The following RFC2 variants were observed in gnomAD, a reference collection of about 807,000 sequenced individuals.
The protein encoded by RFC2 is replication factor C subunit 2, also known as A1 40 kDa subunit.
RFC2 carries 34 observed loss-of-function variants against 44.8 expected under a neutral mutation model. The observed-to-expected ratio is 0.76, with a 90% CI of 0.58 to 1.01. The LOEUF (loss-of-function observed/expected upper bound fraction) is 1.01. Among genes scored for constraint, RFC2 ranks in the 50% least tolerant of loss-of-function variants. RFC2 has a pLI of 0.00. For missense variants in RFC2, 400 were observed against 453.6 expected, an observed-to-expected ratio of 0.88 and a Z score of 1.07; for synonymous variants, 177 against 168.9, an observed-to-expected ratio of 1.05 and a Z score of -0.37.
chr7:74,243,079 T>A, intron 6 of RFC2, 67 bp downstream of exon 6: 1 of 1,016,300 alleles, frequency 9.8e-7, no homozygotes, highest in Admixed American at 1.8e-5. Context: ...GGAGACCACA[T>A]CTATAAAAAA....
At position 74,252,435 on chromosome 7, in the gene RFC2, C is replaced by T; in HGVS notation, c.177G>A (p.Arg59=). ...EIVGNEDTVS[R]LEVFAREGNV... ...AAAAAAAAAAGCCACTCACCTCTAG[C>T]CTGCTCACGGTGTCTTCATTCCCGA... Residue 59 remains arginine, a synonymous_variant, in exon 2 of 11, where the codon AGG becomes AGA. Coordinates refer to ENST00000055077, the MANE Select transcript of RFC2 (RefSeq NM_181471.3). 1 of 1,594,746 alleles carries T rather than the reference C, an allele frequency of 6.3e-7. No homozygotes were observed. The highest frequency in any genetic ancestry group is 1.1e-5 in the South Asian group (1 of 90,698).
intron 6 of RFC2, 56 bp from the exon 7 acceptor site, chr7:74,240,151 C>A (rs1803249135): frequency 1.3e-6 from 2 of 1,536,094 alleles, no homozygotes; most frequent in Non-Finnish European, 1.8e-6. Flanking sequence ...CATCATCCTG[C>A]TAGCTCTTTG....
intron 7 of RFC2, among the ~76,000 whole-genome samples, chr7:74,239,564 C>T (rs1304315240): frequency 6.6e-6 from 1 of 152,348 alleles, no homozygotes; most frequent in East Asian, 1.9e-4. Context: ...AACTCCTGAC[C>T]TCGTGATCCA....
Position 74,238,144 on chromosome 7 carries a change from C to A in RFC2, c.760-702G>T, listed in dbSNP as rs554410825. ...CCGAACCATCACCCCTGTTTCTGAGCGGGCCTCCCCTTCCTAAGTGGCCTC... is the reference window on the plus strand; with the variant it reads ...CCGAACCATCACCCCTGTTTCTGAGAGGGCCTCCCCTTCCTAAGTGGCCTC... On this transcript the variant is annotated intron_variant, in intron 8 of 10. Coordinates refer to ENST00000055077, the MANE Select transcript of RFC2 (RefSeq NM_181471.3). This position sits in a 1 kb window ranked among gnomAD's most constrained non-coding sequence, Gnocchi z 4.0. 6.6e-6 allele frequency among the ~76,000 whole-genome samples: 1 copy of A among 152,052 alleles called. No individual in the cohort carries two copies. The highest frequency in any genetic ancestry group is 2.4e-5 in the African/African-American group (1 of 41,416).
At chr7:74,245,577 G>A (rs1584258471) in intron 5 of RFC2, among the ~76,000 whole-genome samples, 1 of 150,930 alleles carries the variant, frequency 6.6e-6, no homozygotes, top group South Asian at 2.1e-4. Context: ...GCTGGGCGTG[G>A]TGGAGGGCGC....
chr7:74,250,380 T>C (rs3135660), intron 2 of RFC2, among the ~76,000 whole-genome samples: 22,754 of 151,784 alleles, frequency 0.15, 2,705 homozygotes, highest in African/African-American at 0.33. Flanking sequence ...AGCCTCCAAT[T>C]CCCAGGCTCA....
intron 1 of RFC2, 51 bp downstream of exon 1, chr7:74,254,220 C>T: frequency 7.2e-7 from 1 of 1,381,780 alleles, no homozygotes; most frequent in Non-Finnish European, 1.0e-6. Context: ...GCCCGCCACT[C>T]GCCCACCCTC....
Position 74,252,445 on chromosome 7 carries a change from G to T in RFC2, c.167C>A (p.Thr56Asn). Residue 56 changes from threonine (T) to asparagine (N), a missense_variant, in exon 2 of 11, where the codon ACC becomes AAC. Physicochemically the swap from Thr to Asn is moderately conservative, Grantham distance 65. Transcript: ENST00000055077. ...GCCACTCACCTCTAGCCTGCTCACG[G>T]TGTCTTCATTCCCGACAATTTCATT... ...KLNEIVGNEDTVSRLEVFARE... is the reference protein window; with the variant it reads ...KLNEIVGNEDNVSRLEVFARE... The T allele has an allele frequency of 6.2e-7, 1 of 1,603,008 alleles. No homozygotes were observed.
Position 74,249,117 on chromosome 7 carries a change from C to G in RFC2, c.227G>C (p.Gly76Ala). ...EGNVPNIIIA[G>A]PPGTGKTTSI... ...TGTGGTCTTGCCGGTTCCTGGAGGG[C>G]CCTGGGAATGAGATCTCCAGTAAAG... The change falls in exon 4 of 11, where the codon GGC (glycine) becomes GCC (alanine). Residue 76 changes from glycine (G) to alanine (A), a missense_variant and splice_region_variant. Transcript: ENST00000055077. 6.2e-7 allele frequency: 1 copy of G among 1,613,886 alleles called. No individual in the cohort carries two copies. Among genetic ancestry groups the G allele is most frequent in the Non-Finnish European group, 8.5e-7 (1 of 1,179,880 alleles).
rs782807754 is a variant in RFC2, at chr7:74,249,104, G to A, written c.240C>T (p.Thr80=). The A allele has an allele frequency of 3.0e-5, 49 of 1,613,974 alleles. No homozygotes were observed. Among genetic ancestry groups the A allele is most frequent in the South Asian group, 2.5e-4 (23 of 91,082 alleles). The change falls in exon 4 of 11, where the codon ACC becomes ACT. Residue 80 remains threonine, a synonymous_variant. Coordinates refer to ENST00000055077, the MANE Select transcript of RFC2 (RefSeq NM_181471.3). The part of the protein sequence containing the change: ...PNIIIAGPPG[T]GKTTSILCLA... ...AGCACAGAATGCTTGTGGTCTTGCC[G>A]GTTCCTGGAGGGCCCTGGGAATGAG...
At chr7:74,233,390 A>G (rs1554717558) in intron 10 of RFC2, among the ~76,000 whole-genome samples, 1 of 152,160 alleles carries the variant, frequency 6.6e-6, no homozygotes, top group East Asian at 1.9e-4. Flanking sequence ...TGATCTCTAA[A>G]CAAAAAATAC....
Position 74,238,226 on chromosome 7 carries a change from G to C in RFC2, c.759+697C>G, listed in dbSNP as rs782520498. ...ATGCTTCAAAAATCGCTTGTCTGTT[G>C]TCCACAAACCTGGTAAGAAACAGCT... On this transcript the variant is annotated intron_variant, in intron 8 of 10. Transcript: ENST00000055077. The surrounding 1 kb of genome is among the most constrained non-coding windows in gnomAD (Gnocchi z 4.0). Among the ~76,000 whole-genome samples the C allele has an allele frequency of 1.3e-5, 2 of 152,082 alleles. No individual in the cohort carries two copies. Among genetic ancestry groups the C allele is most frequent in the Non-Finnish European group, 2.9e-5 (2 of 68,014 alleles).
chr7:74,250,155 A>AG (rs1563999968), intron 2 of RFC2, among the ~76,000 whole-genome samples: 8 of 150,716 alleles, frequency 5.3e-5, no homozygotes, highest in African/African-American at 2.0e-4. Context: ...TGTCTCAAAA[A>AG]CAAAAAAAAA....
intron 10 of RFC2, chr7:74,233,871 C>A (rs1554717743): frequency 2.2e-6 from 1 of 456,656 alleles, no homozygotes; most frequent in East Asian, 6.9e-5. Context: ...GCTGCAGCCA[C>A]TTCGGAAAAC....
rs1802965134 is a variant in RFC2 at position 74,235,515 on chromosome 7, T to C, written c.954+17A>G. The C allele has an allele frequency of 6.8e-7, 1 of 1,471,400 alleles. No homozygotes were observed. Among genetic ancestry groups the C allele is most frequent in the South Asian group, 1.1e-5 (1 of 88,190 alleles). 91.1% of individuals were successfully genotyped at this position (1,471,400 alleles called of 1,614,324 possible). A position where few individuals can be genotyped will look rare whatever the true frequency, so the allele number is the denominator to read the frequency against. On this transcript the variant is annotated intron_variant, in intron 10 of 10. Coordinates refer to ENST00000055077, the MANE Select transcript of RFC2 (RefSeq NM_181471.3). ...CCACATTCTTGAGGACAGAGGCATTTCTACATTCTCACCGACCTTGATAAA... is the reference window on the plus strand; with the variant it reads ...CCACATTCTTGAGGACAGAGGCATTCCTACATTCTCACCGACCTTGATAAA...
intron 1 of RFC2, among the ~76,000 whole-genome samples, chr7:74,252,760 C>A (rs868935583): frequency 6.6e-6 from 1 of 151,994 alleles, no homozygotes; most frequent in Non-Finnish European, 1.5e-5. Flanking sequence ...CATGGTGAAA[C>A]CTCATCTCTA....
chr7:74,249,865 A>C (rs1554720780), intron 2 of RFC2, 85 bp from the exon 3 acceptor site: 4 of 1,217,402 alleles, frequency 3.3e-6, no homozygotes, highest in South Asian at 2.4e-5. Context: ...ACAAACAAGC[A>C]GGTTAAAACT....
rs1241626405 is a variant in RFC2, at chr7:74,232,010, G to A, written c.*96C>T. On this transcript the variant is annotated 3_prime_UTR_variant, in exon 11 of 11. Coordinates refer to ENST00000055077, the MANE Select transcript of RFC2 (RefSeq NM_181471.3). ...CTGGAGTTTAAAGGACAGTCATGTT[G>A]GCTCCAGCCTAAGGCGGCATTTTCC... The A allele has an allele frequency of 4.4e-5, 33 of 751,884 alleles. No homozygotes were observed. Among genetic ancestry groups the A allele is most frequent in the Non-Finnish European group, 7.0e-5 (30 of 429,004 alleles). 46.6% of individuals were successfully genotyped at this position (751,884 alleles called of 1,614,324 possible).
At chr7:74,252,317 G>C (rs547369219) in intron 2 of RFC2, 112 bp downstream of exon 2, 2 of 613,202 alleles carry the variant, frequency 3.3e-6, no homozygotes, top group East Asian at 3.1e-5. Flanking sequence ...TGAGGCAGGA[G>C]AATGGCATGA....
Sources: gnomAD v4.1 joint callset for allele counts (sites outside exome capture counted in the v4.1 genomes callset) on GRCh38, gnomAD v4.1.1 for gene constraint, Gnocchi (gnomAD v3.1) non-coding constraint, MANE v1.5 for transcripts, NCBI Gene and HGNC (gene_info 2026-07-23, HGNC 2026-07-21) for gene names.